INVS: variants seen among roughly 807,000 people sequenced by gnomAD.
The protein encoded by INVS is inversion of embryo turning homolog.
A neutral mutation model predicts 108.8 loss-of-function variants in INVS; 86 were observed. The observed-to-expected ratio is 0.79, with a 90% CI of 0.66 to 0.95. INVS has a LOEUF of 0.95. INVS is among the 40% of genes least tolerant of loss of function. INVS has a pLI of 0.00. For missense variants in INVS, 1,169 were observed against 1,297.4 expected (o/e 0.90, Z 1.52); for synonymous variants, 455 against 473.5 (o/e 0.96, Z 0.51).
Position 100,302,171 on chromosome 9 carries a change from C to CA in INVS, c.*1498dup. 1 of 1,406,544 alleles carries CA rather than the reference C, an allele frequency of 7.1e-7. No individual in the cohort carries two copies. 87.1% of individuals were successfully genotyped at this position (1,406,544 alleles called of 1,614,324 possible). A position where few individuals can be genotyped will look rare whatever the true frequency, so the allele number is the denominator to read the frequency against. On this transcript the variant is annotated 3_prime_UTR_variant, in exon 17 of 17. Coordinates refer to ENST00000262457, the MANE Select transcript of INVS (RefSeq NM_014425.5). ...ATAGATGTGAATAAACAACTTCAAA[C>CA]AGGAGGTACTATGGCCTCTTCAATA... is the stretch of plus-strand genomic sequence containing the variant.
intron 2 of INVS, among the ~76,000 whole-genome samples, chr9:100,120,021 A>G (rs1482783179): frequency 1.3e-5 from 2 of 152,280 alleles, no homozygotes; most frequent in East Asian, 1.9e-4. Context: ...GCTCTAATCA[A>G]ACTTCTCAAT....
At chr9:100,144,922 G>C (rs77237374) in intron 3 of INVS, among the ~76,000 whole-genome samples, 1 of 151,606 alleles carries the variant, frequency 6.6e-6, no homozygotes, top group Non-Finnish European at 1.5e-5. Flanking sequence ...ACAACGTGTA[G>C]AAGAATGCCT....
chr9:100,185,344 A>C (rs1394598618), intron 3 of INVS, among the ~76,000 whole-genome samples: 1 of 151,702 alleles, frequency 6.6e-6, no homozygotes, highest in Non-Finnish European at 1.5e-5. Context: ...ACATTTAGGC[A>C]ACACCAGAAA....
intron 7 of INVS, among the ~76,000 whole-genome samples, chr9:100,244,167 C>A (rs557796588): frequency 3.9e-5 from 6 of 152,072 alleles, no homozygotes; most frequent in Non-Finnish European, 7.4e-5. Context: ...TCCTATAATC[C>A]TTGCTTCTTG....
intron 16 of INVS, chr9:100,298,453 A>C: frequency 4.5e-6 from 2 of 448,534 alleles, no homozygotes; most frequent in Non-Finnish European, 5.9e-6. Context: ...TCCCTCATAC[A>C]GGAGAAGCTC....
intron 10 of INVS, among the ~76,000 whole-genome samples, chr9:100,261,025 T>C (rs552277485): frequency 1.3e-5 from 2 of 152,310 alleles, no homozygotes; most frequent in African/African-American, 2.4e-5. Context: ...CCCAGTTGCG[T>C]AGTATTAATT....
chr9:100,105,908 A>G (rs1184202168), intron 2 of INVS, among the ~76,000 whole-genome samples: 2 of 130,962 alleles, frequency 1.5e-5, no homozygotes, highest in Non-Finnish European at 3.1e-5. Context: ...TGCATTCTCA[A>G]CTCTGGATGT....
chr9:100,100,589 A>ATATTATATATATATATT (rs1491373775), intron 1 of INVS, among the ~76,000 whole-genome samples: 1 of 94,650 alleles, frequency 1.1e-5, no homozygotes, highest in Non-Finnish European at 1.9e-5. Flanking sequence ...TAATATATAT[A>ATATTATATATATATATT]ATATATGTAC....
chr9:100,248,663 T>A (rs970346443), intron 8 of INVS, among the ~76,000 whole-genome samples: 2 of 152,172 alleles, frequency 1.3e-5, no homozygotes, highest in South Asian at 2.1e-4. Flanking sequence ...GTTTTACCAG[T>A]GATTAAGCTA....
intron 3 of INVS, among the ~76,000 whole-genome samples, chr9:100,212,297 A>G (rs918759703): frequency 2.6e-5 from 4 of 152,164 alleles, no homozygotes; most frequent in African/African-American, 9.7e-5. Flanking sequence ...ATTTATGTGG[A>G]TATTTATATT....
In INVS at chr9:100,264,887, C is replaced by T. The variant is rs1832738524; in HGVS notation, c.1530C>T (p.Asp510=). Residue 510 remains aspartate (D), a synonymous_variant, in exon 11 of 17, where the codon GAC becomes GAT. Coordinates refer to ENST00000262457, the MANE Select transcript of INVS (RefSeq NM_014425.5). ...TTGATGCCATTAAATTACTGCTAGA[C>T]TTTGCTGCTTTCCCTAATCAGATGG... ...GYLDAIKLLL[D]FAAFPNQMEN... 3 of 1,612,802 alleles carry T rather than the reference C, an allele frequency of 1.9e-6. No homozygotes were observed. The highest frequency in any genetic ancestry group is 1.1e-5 in the South Asian group (1 of 91,046).
At chr9:100,273,107 G>A (rs773666528) in intron 12 of INVS, 31 bp downstream of exon 12, 16 of 1,580,654 alleles carry the variant, frequency 1.0e-5, no homozygotes, top group African/African-American at 2.7e-5. Context: ...TTGCGTTTTC[G>A]CCACCCAGAA....
At chr9:100,254,600 A>G (rs1310199963) in intron 10 of INVS, among the ~76,000 whole-genome samples, 5 of 152,056 alleles carry the variant, frequency 3.3e-5, no homozygotes, top group African/African-American at 1.2e-4. Flanking sequence ...TATATAAGGT[A>G]TAAGGAAGGG....
intron 14 of INVS, among the ~76,000 whole-genome samples, chr9:100,294,914 T>C (rs1346147146): frequency 6.6e-6 from 1 of 152,220 alleles, no homozygotes; most frequent in African/African-American, 2.4e-5. Context: ...GTATTGTTCT[T>C]ATCCCCGTTA....
At chr9:100,204,749 A>G (rs1361283679) in intron 3 of INVS, among the ~76,000 whole-genome samples, 2 of 152,044 alleles carry the variant, frequency 1.3e-5, no homozygotes, top group Non-Finnish European at 2.9e-5. Flanking sequence ...ATGTTATACC[A>G]AAAATAATGT....
In INVS at chr9:100,302,114, A is replaced by C; in HGVS notation, c.*1440A>C. The C allele has an allele frequency of 1.2e-6, 1 of 841,886 alleles. No homozygotes were observed. Among genetic ancestry groups the C allele is most frequent in the South Asian group, 2.7e-5 (1 of 36,938 alleles). 52.2% of individuals were successfully genotyped at this position (841,886 alleles called of 1,614,324 possible). On this transcript the variant is annotated 3_prime_UTR_variant, in exon 17 of 17. Transcript: ENST00000262457. ...TAAAAGTTCAGCTTTAATGACAAAGATCTATTACATCAGTCTTTTTCTTCA... is the reference window on the plus strand; with the variant it reads ...TAAAAGTTCAGCTTTAATGACAAAGCTCTATTACATCAGTCTTTTTCTTCA...
At chr9:100,169,680 T>A (rs947367458) in intron 3 of INVS, among the ~76,000 whole-genome samples, 3 of 152,146 alleles carry the variant, frequency 2.0e-5, no homozygotes, top group Non-Finnish European at 1.5e-5. Flanking sequence ...TTTGTAAGCA[T>A]CCTCTATACA....
At chr9:100,164,175 A>G (rs961815042) in intron 3 of INVS, among the ~76,000 whole-genome samples, 1 of 152,212 alleles carries the variant, frequency 6.6e-6, no homozygotes, top group Admixed American at 6.5e-5. Context: ...TGAAATGTGT[A>G]TACATTCTGG....
chr9:100,100,068 T>C (rs576187046), intron 1 of INVS, among the ~76,000 whole-genome samples: 1 of 152,276 alleles, frequency 6.6e-6, no homozygotes, highest in Non-Finnish European at 1.5e-5. Context: ...GTACCTCTAG[T>C]TTTGTACGGT....
Sources: gnomAD v4.1 joint callset for allele counts (sites outside exome capture counted in the v4.1 genomes callset) on GRCh38, gnomAD v4.1.1 for gene constraint, MANE v1.5 for transcripts, NCBI Gene and HGNC (gene_info 2026-07-23, HGNC 2026-07-21) for gene names.